Variants in ELAVL2 observed in about 807,000 individuals in gnomAD.
ELAVL2 encodes the protein ELAV-like protein 2.
ELAVL2 carries 4 observed loss-of-function variants against 34.6 expected under a neutral mutation model. The observed-to-expected ratio is 0.12, with a 90% CI of 0.06 to 0.26. The LOEUF is 0.26. Among genes scored for constraint, ELAVL2 ranks in the 10% least tolerant of loss-of-function variants. The pLI, the probability that ELAVL2 is intolerant of heterozygous loss-of-function variation, is 1.00. For synonymous variants in ELAVL2, 193 were observed against 154.8 expected, an observed-to-expected ratio of 1.25 and a Z score of -1.83; for missense variants, 432 against 442.8, an observed-to-expected ratio of 0.98 and a Z score of 0.22.
intron 5 of ELAVL2, 49 bp downstream of exon 5, chr9:23,701,330 T>A (rs2037121189): frequency 1.3e-6 from 2 of 1,587,898 alleles, no homozygotes; most frequent in Non-Finnish European, 1.7e-6. Context: ...TAAACCTGAG[T>A]ATTCTCTTTC....
At chr9:23,788,068 T>C (rs1385608413) in intron 1 of ELAVL2, among the ~76,000 whole-genome samples, 2 of 152,200 alleles carry the variant, frequency 1.3e-5, no homozygotes, top group Non-Finnish European at 2.9e-5. Flanking sequence ...AGAAAATTTT[T>C]ACTTTTAAGA....
At chr9:23,818,726 C>T (rs138050939) in intron 1 of ELAVL2, among the ~76,000 whole-genome samples, 2 of 152,256 alleles carry the variant, frequency 1.3e-5, no homozygotes, top group Non-Finnish European at 2.9e-5. Flanking sequence ...AAGAATGTGA[C>T]GATGTGATAG....
chr9:23,700,967 T>C (rs1326424995), intron 5 of ELAVL2, among the ~76,000 whole-genome samples: 1 of 152,126 alleles, frequency 6.6e-6, no homozygotes, highest in Non-Finnish European at 1.5e-5. Flanking sequence ...ACCACAGCAT[T>C]ATTGGTGCTT....
chr9:23,825,331 A>G (rs906572939), intron 1 of ELAVL2, among the ~76,000 whole-genome samples: 1 of 152,088 alleles, frequency 6.6e-6, no homozygotes, highest in African/African-American at 2.4e-5. Flanking sequence ...TCCCCAGCAC[A>G]TGCTATCTGG....
chr9:23,716,770 A>G (rs1587616782), intron 3 of ELAVL2, among the ~76,000 whole-genome samples: 1 of 152,214 alleles, frequency 6.6e-6, no homozygotes, highest in Non-Finnish European at 1.5e-5. Flanking sequence ...AACTTTATCA[A>G]TGACAGGGTT....
chr9:23,733,185 A>AC (rs2047013929), intron 2 of ELAVL2, among the ~76,000 whole-genome samples: 1 of 151,224 alleles, frequency 6.6e-6, no homozygotes, highest in Non-Finnish European at 1.5e-5. Context: ...AAAAAAAAAA[A>AC]AAAAAAACTA....
chr9:23,778,035 G>A (rs910552126), intron 1 of ELAVL2, among the ~76,000 whole-genome samples: 5 of 152,116 alleles, frequency 3.3e-5, no homozygotes, highest in African/African-American at 4.8e-5. Context: ...AGGGCATGGT[G>A]AACAAAACCC....
At chr9:23,700,327 T>A (rs1045418902) in intron 5 of ELAVL2, among the ~76,000 whole-genome samples, 1 of 152,198 alleles carries the variant, frequency 6.6e-6, no homozygotes, top group African/African-American at 2.4e-5. Context: ...ATGACTTGCT[T>A]ATGAAACCAA....
intron 3 of ELAVL2, among the ~76,000 whole-genome samples, chr9:23,714,314 C>CT (rs2041767647): frequency 6.6e-6 from 1 of 152,154 alleles, no homozygotes; most frequent in South Asian, 2.1e-4. Flanking sequence ...TGTATGCACT[C>CT]TAACACAGAA....
intron 3 of ELAVL2, among the ~76,000 whole-genome samples, chr9:23,729,241 G>A (rs2045966750): frequency 6.6e-6 from 1 of 152,128 alleles, no homozygotes; most frequent in African/African-American, 2.4e-5. Flanking sequence ...GAAAAGGATA[G>A]TTCCTGGGAC....
intron 2 of ELAVL2, chr9:23,735,138 A>G (rs2047563085): frequency 6.7e-6 from 1 of 148,574 alleles, no homozygotes; most frequent in South Asian, 2.1e-4. Flanking sequence ...GCCCTTAAGA[A>G]AAACAAATCC....
At chr9:23,714,341 A>G (rs1208132955) in intron 3 of ELAVL2, among the ~76,000 whole-genome samples, 1 of 152,210 alleles carries the variant, frequency 6.6e-6, no homozygotes, top group Non-Finnish European at 1.5e-5. Flanking sequence ...CAAAAATCAC[A>G]TATATAAATG....
intron 5 of ELAVL2, among the ~76,000 whole-genome samples, chr9:23,698,650 A>G (rs1438142177): frequency 1.8e-4 from 27 of 152,150 alleles, no homozygotes; most frequent in Admixed American, 1.6e-3. Context: ...GGGACAAAAT[A>G]TATCTGTGTG....
At chr9:23,830,626 C>CTT (rs1166898887), upstream of ELAVL2, among the ~76,000 whole-genome samples, 3 of 72,550 alleles carry the variant, frequency 4.1e-5, no homozygotes, top group East Asian at 4.5e-4. Flanking sequence ...ACACACACAC[C>CTT]TTTTTTTTTT....
intron 1 of ELAVL2, among the ~76,000 whole-genome samples, chr9:23,808,691 A>G (rs1588702516): frequency 1.3e-5 from 2 of 152,218 alleles, no homozygotes; most frequent in Non-Finnish European, 2.9e-5. Flanking sequence ...AAATATTCAT[A>G]GGCTATTTAA....
chr9:23,789,420 A>C (rs555092253), intron 1 of ELAVL2, among the ~76,000 whole-genome samples: 2 of 152,248 alleles, frequency 1.3e-5, no homozygotes, highest in Non-Finnish European at 2.9e-5. Flanking sequence ...ATTAAAATGC[A>C]TATGTGTCCT....
intron 1 of ELAVL2, among the ~76,000 whole-genome samples, chr9:23,811,331 GAA>G (rs3838731): frequency 2.9e-5 from 4 of 138,354 alleles, no homozygotes; most frequent in Non-Finnish European, 6.4e-5. Flanking sequence ...ACCTTTCAAG[GAA>G]AAAAAAAAAA....
Position 23,696,402 on chromosome 9 carries a change from GACT to G in ELAVL2, c.714-2919_714-2917del, listed in dbSNP as rs564320024. 1.1e-4 allele frequency among the ~76,000 whole-genome samples: 16 copies of G among 152,206 alleles called. No individual in the cohort carries two copies. In the East Asian group the frequency reaches 2.7e-3, roughly 26 times the overall value. ...AATAGTGCAGCAGCTCAAACACAAG[GACT>G]ACTACAACAAGCCCCTAGAAATATG... On this transcript the variant is annotated intron_variant, in intron 5 of 6. Coordinates refer to ENST00000397312, the MANE Select transcript of ELAVL2 (RefSeq NM_004432.5).
chr9:23,810,882 T>C (rs2062885547), intron 1 of ELAVL2, among the ~76,000 whole-genome samples: 1 of 152,194 alleles, frequency 6.6e-6, no homozygotes, highest in Non-Finnish European at 1.5e-5. Flanking sequence ...CTTGTGGTAG[T>C]TCACCATCTT....
Sources: gnomAD v4.1 joint callset for allele counts (sites outside exome capture counted in the v4.1 genomes callset) on GRCh38, gnomAD v4.1.1 for gene constraint, MANE v1.5 for transcripts, NCBI Gene and HGNC (gene_info 2026-07-23, HGNC 2026-07-21) for gene names.